SLC44A5: variants seen among roughly 807,000 people sequenced by gnomAD.
The protein encoded by SLC44A5 is choline transporter-like protein 5.
SLC44A5 carries 57 observed loss-of-function variants against 101.8 expected under a neutral mutation model. That is an observed-to-expected ratio of 0.56 (90% CI 0.45 to 0.70). SLC44A5 has a LOEUF of 0.70. SLC44A5 is among the 30% of genes least tolerant of loss of function. SLC44A5 has a pLI of 0.00. For missense variants in SLC44A5, 737 were observed against 853.1 expected, an observed-to-expected ratio of 0.86 and a Z score of 1.70; for synonymous variants, 281 against 290.9, an observed-to-expected ratio of 0.97 and a Z score of 0.35.
At chr1:75,623,559 A>C in the SLC44A5 span, among the ~76,000 whole-genome samples, 1 of 152,108 alleles carries the variant, frequency 6.6e-6, no homozygotes, top group African/African-American at 2.4e-5. Flanking sequence ...TATAAAACAT[A>C]CACAAAAATT....
intron 5 of SLC44A5, among the ~76,000 whole-genome samples, chr1:75,292,215 C>G (rs533145046): frequency 6.6e-6 from 1 of 152,014 alleles, no homozygotes; most frequent in African/African-American, 2.4e-5. Context: ...AGGTCTAGGC[C>G]ACCCCCTATT....
chr1:75,625,042 A>C, the SLC44A5 span, among the ~76,000 whole-genome samples: 1 of 152,018 alleles, frequency 6.6e-6, no homozygotes, highest in Non-Finnish European at 1.5e-5. Flanking sequence ...GATGTTCCAA[A>C]GTTCCCGCAA....
At chr1:75,706,955 T>C in the SLC44A5 span, among the ~76,000 whole-genome samples, 3 of 152,200 alleles carry the variant, frequency 2.0e-5, no homozygotes, top group Non-Finnish European at 4.4e-5. Context: ...ATCTCTAAAA[T>C]ACCTTCTAAG....
chr1:75,658,832 G>A, the SLC44A5 span, among the ~76,000 whole-genome samples: 39,216 of 151,680 alleles, frequency 0.26, 5,408 homozygotes, highest in Middle Eastern at 0.37. Flanking sequence ...ATCAGAAAAG[G>A]AAAATTTGGT....
At position 75,270,464 on chromosome 1, in the gene SLC44A5, TAACTC is replaced by T. The variant is rs780492243; in HGVS notation, c.260+4489_260+4493del. ...ATTCAACAAACGATTCTGAAATAAT[TAACTC>T]AACAATTTGGGAAAATAGTTTGATT... On this transcript the variant is annotated intron_variant, in intron 6 of 23. Coordinates refer to ENST00000370859, the MANE Select transcript of SLC44A5 (RefSeq NM_001130058.2). Among the ~76,000 whole-genome samples, 52 of 152,208 alleles carry T rather than the reference TAACTC, an allele frequency of 3.4e-4. No individual in the cohort carries two copies. In the East Asian group the frequency reaches 3.7e-3, roughly 11 times the overall value.
chr1:75,631,870 T>C, the SLC44A5 span, among the ~76,000 whole-genome samples: 2 of 152,132 alleles, frequency 1.3e-5, no homozygotes, highest in African/African-American at 4.8e-5. Context: ...TTTTGCCATG[T>C]TGCCCAGGCT....
At chr1:75,533,460 T>C (rs529057400) in intron 2 of SLC44A5, among the ~76,000 whole-genome samples, 10 of 152,284 alleles carry the variant, frequency 6.6e-5, no homozygotes, top group African/African-American at 2.4e-4. Flanking sequence ...GAGTCCCTTA[T>C]GTTTAAAAAA....
At chr1:75,616,942 C>T in the SLC44A5 span, among the ~76,000 whole-genome samples, 1 of 152,130 alleles carries the variant, frequency 6.6e-6, no homozygotes, top group African/African-American at 2.4e-5. Context: ...CGTTCTTTCT[C>T]TCTCTGATTG....
At chr1:75,480,658 T>A (rs995791166) in intron 2 of SLC44A5, among the ~76,000 whole-genome samples, 2 of 151,828 alleles carry the variant, frequency 1.3e-5, no homozygotes, top group African/African-American at 4.8e-5. Flanking sequence ...TCGCAATTGC[T>A]TCAAAGAGAA....
At chr1:75,459,726 G>A (rs895528035) in intron 2 of SLC44A5, among the ~76,000 whole-genome samples, 5 of 152,326 alleles carry the variant, frequency 3.3e-5, no homozygotes, top group South Asian at 2.1e-4. Context: ...TTCATGGCAT[G>A]TAATGCAGGC....
chr1:75,476,256 C>T (rs1280545298), intron 2 of SLC44A5, among the ~76,000 whole-genome samples: 1 of 152,028 alleles, frequency 6.6e-6, no homozygotes, highest in Non-Finnish European at 1.5e-5. Context: ...ATTCTACCTA[C>T]TAACTGGGGA....
At chr1:75,237,161 C>A (rs888131404) in intron 10 of SLC44A5, 91 bp from the exon 11 acceptor site, 1 of 693,684 alleles carries the variant, frequency 1.4e-6, no homozygotes, top group South Asian at 2.1e-5. Context: ...CTGCAAGGTG[C>A]TGTTGAAAGC....
At chr1:75,441,920 G>C (rs1189804995) in intron 2 of SLC44A5, among the ~76,000 whole-genome samples, 2 of 152,098 alleles carry the variant, frequency 1.3e-5, no homozygotes, top group African/African-American at 4.8e-5. Flanking sequence ...AACTCAATTA[G>C]CAAGTTTGAA....
chr1:75,721,079 T>C, the SLC44A5 span, among the ~76,000 whole-genome samples: 56 of 152,202 alleles, frequency 3.7e-4, no homozygotes, highest in Non-Finnish European at 5.4e-4. Flanking sequence ...AGAGAAGAGA[T>C]TGTAAATGTT....
intron 6 of SLC44A5, among the ~76,000 whole-genome samples, chr1:75,269,195 A>G (rs967674886): frequency 1.3e-5 from 2 of 152,042 alleles, no homozygotes; most frequent in African/African-American, 4.8e-5. Flanking sequence ...TAGTTGAACT[A>G]TATTTCTATC....
chr1:75,685,990 G>A, the SLC44A5 span, among the ~76,000 whole-genome samples: 1 of 152,140 alleles, frequency 6.6e-6, no homozygotes, highest in African/African-American at 2.4e-5. Flanking sequence ...TACACATGGT[G>A]GCAGGAGAGG....
At chr1:75,452,101 G>A (rs570646540) in intron 2 of SLC44A5, among the ~76,000 whole-genome samples, 1 of 152,254 alleles carries the variant, frequency 6.6e-6, no homozygotes, top group African/African-American at 2.4e-5. Context: ...ATAGTCACCA[G>A]ACTGTCAAAG....
chr1:75,211,314 A>C (rs1174718988), intron 23 of SLC44A5, among the ~76,000 whole-genome samples, 154 bp downstream of exon 23: 1 of 152,192 alleles, frequency 6.6e-6, no homozygotes, highest in Non-Finnish European at 1.5e-5. Flanking sequence ...GGTTTAAATA[A>C]CATCTACTAA....
At chr1:75,408,583 T>A (rs12754553) in intron 2 of SLC44A5, among the ~76,000 whole-genome samples, 1,577 of 152,078 alleles carry the variant, frequency 0.01, 10 homozygotes, top group Non-Finnish European at 0.015. Context: ...CTGGAAACCA[T>A]CATTCTCAGC....
Sources: allele counts gnomAD v4.1 joint callset (sites outside exome capture counted in the v4.1 genomes callset), GRCh38; gene constraint gnomAD v4.1.1; transcripts MANE v1.5; gene names NCBI Gene and HGNC (gene_info 2026-07-23, HGNC 2026-07-21).